REV3L: variants seen among roughly 807,000 people sequenced by gnomAD.
REV3L encodes the protein REV3 like, DNA directed polymerase zeta catalytic subunit.
Under a neutral mutation model 299.4 loss-of-function variants are expected in REV3L, and 69 were observed. That is an observed-to-expected ratio of 0.23 (90% CI 0.19 to 0.28). The LOEUF is 0.28. Among genes scored for constraint, REV3L ranks in the 10% least tolerant of loss-of-function variants. The pLI, the probability that REV3L is intolerant of heterozygous loss-of-function variation, is 1.00. For missense variants in REV3L, 3,128 were observed against 3,693.8 expected, an observed-to-expected ratio of 0.85 and a Z score of 3.97; for synonymous variants, 1,238 against 1,271.4, an observed-to-expected ratio of 0.97 and a Z score of 0.56.
chr6:111,333,477 CTTTT>C (rs5879102), intron 22 of REV3L, 110 bp from the exon 23 acceptor site: 43 of 1,000,766 alleles, frequency 4.3e-5, no homozygotes, highest in South Asian at 5.7e-5. Flanking sequence ...GATTGTATGA[CTTTT>C]TTTTTTTTTT....
intron 1 of REV3L, among the ~76,000 whole-genome samples, chr6:111,425,953 T>C (rs2128294389): frequency 6.6e-6 from 1 of 152,188 alleles, no homozygotes; most frequent in African/African-American, 2.4e-5. Flanking sequence ...AGAAGAAATA[T>C]ATATTTGGTC....
At chr6:111,471,870 A>G (rs1792260428) in intron 1 of REV3L, 2 of 254,460 alleles carry the variant, frequency 7.9e-6, no homozygotes. Flanking sequence ...ATCTTTGGGA[A>G]TGGGCAAAGG....
intron 24 of REV3L, 119 bp from the exon 25 acceptor site, chr6:111,329,857 G>T (rs1296278664): frequency 2.7e-6 from 2 of 736,258 alleles, no homozygotes; most frequent in Non-Finnish European, 4.5e-6. Context: ...GCTAACAACA[G>T]AGTGACCATA....
chr6:111,426,606 C>G (rs1484782387), intron 1 of REV3L, among the ~76,000 whole-genome samples: 1 of 152,198 alleles, frequency 6.6e-6, no homozygotes, highest in Non-Finnish European at 1.5e-5. Context: ...AACTTCCAAA[C>G]TGAACAACAG....
At chr6:111,380,909 G>A (rs552453973) in intron 10 of REV3L, among the ~76,000 whole-genome samples, 4 of 152,308 alleles carry the variant, frequency 2.6e-5, no homozygotes, top group Non-Finnish European at 5.9e-5. Flanking sequence ...CTGGTTGAGT[G>A]CAGCCCTGGC....
chr6:111,381,477 C>T, intron 9 of REV3L, 33 bp from the exon 10 acceptor site: 1 of 1,573,296 alleles, frequency 6.4e-7, no homozygotes, highest in South Asian at 1.2e-5. Flanking sequence ...AAAATTGAAG[C>T]AATGGCCTAA....
chr6:111,403,955 T>TG (rs1783354038), intron 4 of REV3L, among the ~76,000 whole-genome samples: 2 of 152,012 alleles, frequency 1.3e-5, no homozygotes, highest in South Asian at 4.1e-4. Flanking sequence ...TGCAGATAGG[T>TG]GAAACAGCAG....
rs776492088 is a variant in REV3L at position 111,375,167 on chromosome 6, T to C, written c.3188A>G (p.Gln1063Arg). Residue 1063 changes from glutamine (Q) to arginine (R), a missense_variant, in exon 13 of 32, where the codon CAA becomes CGA. Physicochemically the swap from Gln to Arg is conservative, Grantham distance 43. This residue lies in a region of REV3L where 2,409 missense variants were observed against 2,611.8 expected (regional missense o/e 0.92). Coordinates refer to ENST00000368802, the MANE Select transcript of REV3L (RefSeq NM_001372078.1). ...KSAKKKTGKQ[Q>R]RTNNENIKRT... ...TTTAATATTTTCATTATTTGTCCTT[T>C]GTTGTTTACCAGTTTTTTTCTTAGC... The C allele has an allele frequency of 8.7e-6, 14 of 1,609,344 alleles. No individual in the cohort carries two copies. The Admixed American group carries it at 1.2e-4, about 14-fold the overall frequency.
intron 4 of REV3L, among the ~76,000 whole-genome samples, chr6:111,393,617 T>C (rs191513874): frequency 2.6e-5 from 4 of 152,336 alleles, no homozygotes; most frequent in African/African-American, 9.6e-5. Flanking sequence ...TGTATGTCTA[T>C]ATCCATTAAC....
chr6:111,448,783 G>A (rs944080957), intron 1 of REV3L, among the ~76,000 whole-genome samples: 7 of 126,980 alleles, frequency 5.5e-5, no homozygotes, highest in African/African-American at 1.8e-4. Flanking sequence ...ACCACACTTG[G>A]CTATTTTTTT....
At position 111,299,462 on chromosome 6, in the gene REV3L, A is replaced by AAAT. The variant is rs1466751956; in HGVS notation, c.*551_*553dup. On this transcript the variant is annotated 3_prime_UTR_variant, in exon 32 of 32. Transcript: ENST00000368802. ...TACTACTGTTTGCACAGTTTGATCAAAATAACGATCTACTTTGAGTCAAGC... is the reference window on the plus strand; with the variant it reads ...TACTACTGTTTGCACAGTTTGATCAAAATAATAACGATCTACTTTGAGTCAAGC... 4 of 152,774 alleles carry AAAT rather than the reference A, an allele frequency of 2.6e-5. No individual in the cohort carries two copies. In the East Asian group the frequency reaches 7.7e-4, roughly 29 times the overall value. 9.5% of individuals were successfully genotyped at this position (152,774 alleles called of 1,614,324 possible).
rs749296516 is a variant in REV3L, at chr6:111,373,802, G to A, written c.4553C>T (p.Ser1518Leu). ...QCKNRNVSTPSAFGEGQSGLA... is the reference protein window; with the variant it reads ...QCKNRNVSTPLAFGEGQSGLA... ...TCCAGACTGTCCTTCACCAAATGCT[G>A]AAGGTGTTGACACATTTCGATTTTT... Residue 1518 changes from serine to leucine, a missense_variant, in exon 13 of 32, where the codon TCA becomes TTA. Transcript: ENST00000368802. 1.2e-6 allele frequency: 2 copies of A among 1,614,122 alleles called. No individual in the cohort carries two copies. The highest frequency in any genetic ancestry group is 4.5e-5 in the East Asian group (2 of 44,884).
chr6:111,386,969 G>T (rs533901330), intron 9 of REV3L, among the ~76,000 whole-genome samples: 2 of 152,180 alleles, frequency 1.3e-5, no homozygotes, highest in Non-Finnish European at 2.9e-5. Context: ...TGATCCGCCT[G>T]CTTCAGCCTC....
At chr6:111,430,618 G>A (rs1786786634) in intron 1 of REV3L, 2 of 1,527,828 alleles carry the variant, frequency 1.3e-6, no homozygotes, top group African/African-American at 1.4e-5. Flanking sequence ...ACCTCGCAGA[G>A]TGGGGAGGAC....
intron 9 of REV3L, among the ~76,000 whole-genome samples, chr6:111,382,459 T>C (rs1780925955): frequency 6.6e-6 from 1 of 152,156 alleles, no homozygotes. Flanking sequence ...AGTGCTACCC[T>C]GTCACAGTGG....
chr6:111,381,425 C>T lies in REV3L; in HGVS notation c.1116G>A (p.Val372=), dbSNP rs754397018. ...ESSKGHTRHK[V]EEALINEEAI... ...CTTCTTCATTAATAAGAGCTTCTTC[C>T]ACTTTGTGTCTAGTGTGACCTTAAT... is the stretch of plus-strand genomic sequence containing the variant. Residue 372 remains valine, a synonymous_variant, in exon 10 of 32, where the codon GTG becomes GTA. Transcript: ENST00000368802. 2 of 1,612,686 alleles carry T rather than the reference C, an allele frequency of 1.2e-6. No individual in the cohort carries two copies. Among genetic ancestry groups the T allele is most frequent in the East Asian group, 2.2e-5 (1 of 44,766 alleles).
chr6:111,374,899 A>G lies in REV3L; in HGVS notation c.3456T>C (p.Gly1152=), dbSNP rs778878809. Residue 1152 remains glycine (G), a synonymous_variant, in exon 13 of 32, where the codon GGT becomes GGC. Transcript: ENST00000368802. ...AAEKEAMLFK[G]PNVYKKTVNS... ...TAACAGTCTTCTTATATACATTAGG[A>G]CCCTTAAAAAGCATTGCCTCTTTTT... The G allele has an allele frequency of 1.2e-6, 2 of 1,613,640 alleles. No individual in the cohort carries two copies. The highest frequency in any genetic ancestry group is 3.3e-5 in the Admixed American group (2 of 59,948).
intron 1 of REV3L, among the ~76,000 whole-genome samples, chr6:111,472,744 A>G (rs1792389477): frequency 6.6e-6 from 1 of 152,190 alleles, no homozygotes; most frequent in East Asian, 1.9e-4. Flanking sequence ...ATATTTAAAA[A>G]CCCACAGAGA....
intron 1 of REV3L, among the ~76,000 whole-genome samples, chr6:111,463,245 T>G (rs1045797510): frequency 6.6e-5 from 10 of 152,218 alleles, no homozygotes; most frequent in Non-Finnish European, 1.5e-4. Flanking sequence ...ATTATTACCA[T>G]AAGCAATGGT....
Sources: gnomAD v4.1 joint callset for allele counts (sites outside exome capture counted in the v4.1 genomes callset) on GRCh38, gnomAD v4.1.1 for gene constraint, gnomAD v4.1.1 regional missense constraint, MANE v1.5 for transcripts, NCBI Gene and HGNC (gene_info 2026-07-23, HGNC 2026-07-21) for gene names.